The following NLGN1 variants were observed in gnomAD, a reference collection of about 807,000 sequenced individuals.
NLGN1 encodes neuroligin 1.
NLGN1 carries 12 observed loss-of-function variants against 65.5 expected under a neutral mutation model. The ratio of observed to expected loss-of-function variants is 0.18; its 90% CI spans 0.12 to 0.30. NLGN1 has a LOEUF of 0.30. Ranked by LOEUF, NLGN1 falls within the 10% of genes least tolerant of loss-of-function variation. The probability of loss-of-function intolerance (pLI) is 1.00; values close to 1 mark genes in which losing one functional copy is unlikely to be tolerated. For missense variants in NLGN1, 750 were observed against 1,007.1 expected (o/e 0.74, Z 3.46); for synonymous variants, 350 against 359.5 (o/e 0.97, Z 0.30).
chr3:173,482,666 C>T (rs925628665), intron 2 of NLGN1, among the ~76,000 whole-genome samples: 4 of 151,674 alleles, frequency 2.6e-5, no homozygotes, highest in East Asian at 1.9e-4. Context: ...CATTCTGAGA[C>T]GATGACAGTT....
chr3:173,481,796 A>G (rs928631760), intron 2 of NLGN1, among the ~76,000 whole-genome samples: 1 of 151,946 alleles, frequency 6.6e-6, no homozygotes, highest in African/African-American at 2.4e-5. Flanking sequence ...TCCAGTTTGC[A>G]TTCTTACCAG....
chr3:173,760,203 A>G (rs528290496), intron 3 of NLGN1, among the ~76,000 whole-genome samples: 7 of 152,056 alleles, frequency 4.6e-5, no homozygotes, highest in African/African-American at 1.4e-4. Flanking sequence ...AGCACATCCT[A>G]TCTCAAATTA....
rs187704014 is a variant in NLGN1, at chr3:173,859,909, G to T, written c.646+52077G>T. Among the ~76,000 whole-genome samples the T allele has an allele frequency of 1.6e-3, 238 of 151,772 alleles. 1 individual carries two copies. The highest frequency in any genetic ancestry group is 5.5e-3 in the African/African-American group (229 of 41,418). ...TCCATTCTGTCTGTTGCTCTAGTAC[G>T]CTTTCATTTTATTTCTAACTTTAAA... On this transcript the variant is annotated intron_variant, in intron 4 of 6. Coordinates refer to ENST00000457714, the Ensembl canonical transcript of NLGN1.
At chr3:173,797,167 C>T (rs1052601974) in intron 3 of NLGN1, among the ~76,000 whole-genome samples, 2 of 152,084 alleles carry the variant, frequency 1.3e-5, no homozygotes, top group Non-Finnish European at 2.9e-5. Context: ...CTCAGAGAAA[C>T]CAGTGTGGAG....
intron 4 of NLGN1, among the ~76,000 whole-genome samples, chr3:174,051,013 A>C (rs1734715326): frequency 6.6e-6 from 1 of 152,078 alleles, no homozygotes; most frequent in African/African-American, 2.4e-5. Context: ...TGTCCTCACC[A>C]GTACTTCTAA....
At chr3:174,104,934 C>T (rs1255281020) in intron 4 of NLGN1, among the ~76,000 whole-genome samples, 1 of 152,032 alleles carries the variant, frequency 6.6e-6, no homozygotes, top group Non-Finnish European at 1.5e-5. Context: ...GGCTTCTAAT[C>T]AGGAAATTAC....
At chr3:174,039,519 A>G (rs763737350) in intron 4 of NLGN1, among the ~76,000 whole-genome samples, 74 of 152,076 alleles carry the variant, frequency 4.9e-4, no homozygotes, top group Non-Finnish European at 1.0e-4. Flanking sequence ...CAAGATGTCT[A>G]GGTTAATTCT....
At chr3:174,287,725 C>T (rs1175985824), downstream of NLGN1, among the ~76,000 whole-genome samples, 1 of 151,418 alleles carries the variant, frequency 6.6e-6, no homozygotes, top group Non-Finnish European at 1.5e-5. Context: ...CTCAGAGCTG[C>T]CTTCCTCTGC....
chr3:174,289,987 A>G (rs1420164299), downstream of NLGN1, among the ~76,000 whole-genome samples: 34 of 145,846 alleles, frequency 2.3e-4, no homozygotes, highest in African/African-American at 8.4e-4. Flanking sequence ...ATATATATAC[A>G]TATATATTCT....
chr3:174,259,848 C>T (rs1746523818), intron 4 of NLGN1, among the ~76,000 whole-genome samples: 1 of 130,790 alleles, frequency 7.6e-6, no homozygotes, highest in African/African-American at 2.9e-5. Context: ...CCCCACCCCA[C>T]CACAGTCCCC....
chr3:173,594,200 G>A (rs1749055460), intron 2 of NLGN1, among the ~76,000 whole-genome samples: 1 of 152,160 alleles, frequency 6.6e-6, no homozygotes, highest in Non-Finnish European at 1.5e-5. Flanking sequence ...TCTCATCTGA[G>A]GAAAGGCAAG....
At chr3:174,042,845 C>A (rs558409401) in intron 4 of NLGN1, among the ~76,000 whole-genome samples, 17 of 152,188 alleles carry the variant, frequency 1.1e-4, no homozygotes, top group African/African-American at 4.1e-4. Flanking sequence ...TGTCTGAATC[C>A]AAAAATGGCT....
chr3:173,584,192 A>C (rs1746873743), intron 2 of NLGN1, among the ~76,000 whole-genome samples: 1 of 150,842 alleles, frequency 6.6e-6, no homozygotes, highest in Non-Finnish European at 1.5e-5. Flanking sequence ...TGTTAATTGC[A>C]GTTCAGCCTT....
chr3:173,538,769 G>A (rs901339189), intron 2 of NLGN1, among the ~76,000 whole-genome samples: 24 of 152,168 alleles, frequency 1.6e-4, no homozygotes, highest in East Asian at 3.9e-4. Context: ...GAAAGAAGCC[G>A]TCTGGAATCC....
At chr3:174,224,390 A>C (rs1739211848) in intron 4 of NLGN1, among the ~76,000 whole-genome samples, 1 of 152,206 alleles carries the variant, frequency 6.6e-6, no homozygotes. Context: ...ACATGGCTTA[A>C]ATTTTCTCAC....
intron 4 of NLGN1, among the ~76,000 whole-genome samples, chr3:173,986,695 G>T (rs1382123433): frequency 2.0e-5 from 3 of 152,134 alleles, no homozygotes; most frequent in Non-Finnish European, 4.4e-5. Flanking sequence ...TGTTTCAGCA[G>T]CCCTAGCAAA....
intron 3 of NLGN1, among the ~76,000 whole-genome samples, chr3:173,768,939 G>C (rs1423224446): frequency 6.6e-6 from 1 of 151,856 alleles, no homozygotes; most frequent in Non-Finnish European, 1.5e-5. Context: ...ACCACACCCA[G>C]CAATTGTTTT....
intron 2 of NLGN1, among the ~76,000 whole-genome samples, chr3:173,488,608 T>C (rs573323609): frequency 6.6e-5 from 10 of 152,262 alleles, no homozygotes; most frequent in Non-Finnish European, 1.3e-4. Flanking sequence ...TATTCCATTG[T>C]AGTCTGGTCT....
chr3:174,044,373 C>T (rs1046946755), intron 4 of NLGN1, among the ~76,000 whole-genome samples: 3 of 152,176 alleles, frequency 2.0e-5, no homozygotes, highest in African/African-American at 7.2e-5. Flanking sequence ...CAAGACCAGG[C>T]TGCAAACCTT....
Sources: gnomAD v4.1 joint callset for allele counts (sites outside exome capture counted in the v4.1 genomes callset) on GRCh38, gnomAD v4.1.1 for gene constraint, MANE v1.5 for transcripts, NCBI Gene and HGNC (gene_info 2026-07-23, HGNC 2026-07-21) for gene names.